Variants in TET1 observed in about 807,000 individuals in gnomAD.
TET1 encodes tet methylcytosine dioxygenase 1, also known as methylcytosine dioxygenase TET1.
A neutral mutation model predicts 148.7 loss-of-function variants in TET1; 13 were observed. The observed-to-expected ratio is 0.09, with a 90% CI of 0.06 to 0.14. The LOEUF (loss-of-function observed/expected upper bound fraction) is 0.14. Ranked by LOEUF, TET1 falls within the 10% of genes least tolerant of loss-of-function variation. The pLI is 1.00. For synonymous variants in TET1, 907 were observed against 937.2 expected (o/e 0.97, Z 0.59); for missense variants, 2,182 against 2,553.8 (o/e 0.85, Z 3.14).
chr10:68,603,421 C>A (rs1338231845), intron 3 of TET1, among the ~76,000 whole-genome samples: 1 of 152,110 alleles, frequency 6.6e-6, no homozygotes, highest in Non-Finnish European at 1.5e-5. Context: ...ACTATTGAAT[C>A]CAGTTGTGGG....
intron 2 of TET1, among the ~76,000 whole-genome samples, chr10:68,592,133 C>T (rs2053925441): frequency 6.6e-6 from 1 of 151,890 alleles, no homozygotes; most frequent in African/African-American, 2.4e-5. Flanking sequence ...GCCTGACCAA[C>T]ATGGTGAAAC....
At position 68,667,026 on chromosome 10, in the gene TET1, A is replaced by G. The variant is rs1162757673; in HGVS notation, c.4462-19A>G. 2 of 1,608,850 alleles carry G rather than the reference A, an allele frequency of 1.2e-6. No individual in the cohort carries two copies. The highest frequency in any genetic ancestry group is 8.5e-7 in the Non-Finnish European group (1 of 1,176,792). On this transcript the variant is annotated intron_variant, in intron 6 of 11. Transcript: ENST00000373644. ...TGGCATACTTGTCTTCCATAGATGA[A>G]TGTATTCTGTTTTTTCAGGTTTTAA...
chr10:68,624,658 T>TTCTTTCTTTCTTTC (rs1397280418), intron 3 of TET1, among the ~76,000 whole-genome samples: 4 of 95,196 alleles, frequency 4.2e-5, no homozygotes, highest in African/African-American at 1.2e-4. Flanking sequence ...CTTTCTTTCT[T>TTCTTTCTTTCTTTC]TCTCTCTCTC....
chr10:68,664,534 A>G (rs2055168705), intron 6 of TET1, among the ~76,000 whole-genome samples: 2 of 150,182 alleles, frequency 1.3e-5, no homozygotes, highest in Admixed American at 1.3e-4. Context: ...GACTGCAGGC[A>G]GGTGTCCACA....
chr10:68,569,922 T>C (rs899090617), intron 1 of TET1, among the ~76,000 whole-genome samples: 2 of 152,156 alleles, frequency 1.3e-5, no homozygotes, highest in Non-Finnish European at 2.9e-5. Context: ...AGAAGCTTTA[T>C]AGTGAATCTA....
intron 3 of TET1, among the ~76,000 whole-genome samples, chr10:68,639,231 G>A (rs2054701707): frequency 1.3e-5 from 2 of 151,466 alleles, no homozygotes; most frequent in South Asian, 2.1e-4. Flanking sequence ...AGACCAGCCT[G>A]GCCAACATGG....
chr10:68,620,256 C>T (rs1338745237), intron 3 of TET1, among the ~76,000 whole-genome samples: 1 of 152,158 alleles, frequency 6.6e-6, no homozygotes, highest in Non-Finnish European at 1.5e-5. Context: ...TCTATCATGA[C>T]AATCAATTTT....
At chr10:68,562,707 G>T (rs1328105545) in intron 1 of TET1, among the ~76,000 whole-genome samples, 1 of 139,642 alleles carries the variant, frequency 7.2e-6, no homozygotes, top group Non-Finnish European at 1.6e-5. Flanking sequence ...TGGTCTCCCA[G>T]AATAGATGGG....
At chr10:68,622,246 C>T (rs2054387833) in intron 3 of TET1, among the ~76,000 whole-genome samples, 1 of 143,848 alleles carries the variant, frequency 7.0e-6, no homozygotes, top group Non-Finnish European at 1.5e-5. Context: ...TCCCTCCCTC[C>T]CTCCCTCCTT....
intron 2 of TET1, among the ~76,000 whole-genome samples, chr10:68,577,020 T>C (rs1222019228): frequency 6.6e-6 from 1 of 152,102 alleles, no homozygotes; most frequent in Non-Finnish European, 1.5e-5. Flanking sequence ...GCCATTCTCC[T>C]GCCTCAGCCT....
intron 4 of TET1, among the ~76,000 whole-genome samples, chr10:68,647,308 G>C (rs918950060): frequency 2.0e-5 from 3 of 152,152 alleles, no homozygotes; most frequent in Non-Finnish European, 4.4e-5. Flanking sequence ...CGTAGCATAA[G>C]AATGAATTTC....
intron 1 of TET1, among the ~76,000 whole-genome samples, chr10:68,567,521 C>T (rs60275669): frequency 0.033 from 5,007 of 151,934 alleles, 141 homozygotes; most frequent in African/African-American, 0.079. Context: ...CTCAAACTCC[C>T]GACCTCAGGT....
At chr10:68,667,524 G>A (rs2055210404) in intron 7 of TET1, among the ~76,000 whole-genome samples, 1 of 152,106 alleles carries the variant, frequency 6.6e-6, no homozygotes, top group African/African-American at 2.4e-5. Flanking sequence ...GGGAGGCCGA[G>A]GCAGGAGGAT....
intron 3 of TET1, among the ~76,000 whole-genome samples, chr10:68,634,238 G>A: frequency 6.6e-6 from 1 of 152,148 alleles, no homozygotes; most frequent in Middle Eastern, 3.2e-3. Context: ...TTCCCTAGCA[G>A]CTTGCTCTGA....
intron 2 of TET1, among the ~76,000 whole-genome samples, chr10:68,576,053 G>A (rs1220787253): frequency 1.4e-4 from 20 of 148,038 alleles, no homozygotes; most frequent in African/African-American, 4.2e-4. Context: ...ATAAATAAAT[G>A]AATAAATAAA....
intron 6 of TET1, among the ~76,000 whole-genome samples, chr10:68,654,589 C>G (rs892968197): frequency 2.0e-5 from 3 of 152,116 alleles, no homozygotes; most frequent in African/African-American, 7.2e-5. Context: ...TGCACTCCAG[C>G]CTGGGAGACA....
Position 68,645,329 on chromosome 10 carries a change from C to G in TET1, c.2600C>G (p.Pro867Arg). 2 of 1,614,000 alleles carry G rather than the reference C, an allele frequency of 1.2e-6. No homozygotes were observed. Among genetic ancestry groups the G allele is most frequent in the Non-Finnish European group, 1.7e-6 (2 of 1,180,010 alleles). Reference protein sequence around the residue: ...KTPENIPSKEPKDGSPVQPSL... With the variant: ...KTPENIPSKERKDGSPVQPSL... ...CCTGAGAATATACCAAGTAAAGAAC[C>G]AAAAGATGGATCTCCCGTTCAACCA... Residue 867 changes from proline to arginine, a missense_variant, in exon 4 of 12, where the codon CCA (proline) becomes CGA (arginine). By Grantham distance (103) the Pro-to-Arg change is moderately radical (BLOSUM62 -2). Coordinates refer to ENST00000373644, the MANE Select transcript of TET1 (RefSeq NM_030625.3).
chr10:68,564,500 A>G (rs1346028103), intron 1 of TET1, among the ~76,000 whole-genome samples: 1 of 152,124 alleles, frequency 6.6e-6, no homozygotes, highest in African/African-American at 2.4e-5. Context: ...TGGTGAAAAG[A>G]TCTGTTGATT....
intron 6 of TET1, among the ~76,000 whole-genome samples, chr10:68,652,981 C>T (rs2054962449): frequency 6.6e-6 from 1 of 150,616 alleles, no homozygotes; most frequent in Non-Finnish European, 1.5e-5. Flanking sequence ...GTAAATTGGC[C>T]ATTTGTGATG....
Sources: allele counts gnomAD v4.1 joint callset (sites outside exome capture counted in the v4.1 genomes callset), GRCh38; gene constraint gnomAD v4.1.1; transcripts MANE v1.5; gene names NCBI Gene and HGNC (gene_info 2026-07-23, HGNC 2026-07-21).